Variants in ZGPAT observed in about 807,000 individuals in gnomAD.
ZGPAT encodes the protein zinc finger CCCH-type with G patch domain-containing protein.
A neutral mutation model predicts 47.9 loss-of-function variants in ZGPAT; 39 were observed. The observed-to-expected ratio is 0.81, with a 90% CI of 0.63 to 1.06. The LOEUF (loss-of-function observed/expected upper bound fraction) is 1.06, where lower values mean the gene tolerates loss of function less well. Ranked by LOEUF, ZGPAT falls within the 50% of genes least tolerant of loss-of-function variation. The pLI, the probability that ZGPAT is intolerant of heterozygous loss-of-function variation, is 0.00. For missense variants in ZGPAT, 717 were observed against 681.4 expected, an observed-to-expected ratio of 1.05 and a Z score of -0.58; for synonymous variants, 348 against 292.9, an observed-to-expected ratio of 1.19 and a Z score of -1.92.
At chr20:63,727,837 T>C (rs2091860486) in intron 2 of ZGPAT, among the ~76,000 whole-genome samples, 1 of 152,092 alleles carries the variant, frequency 6.6e-6, no homozygotes, top group Non-Finnish European at 1.5e-5. Flanking sequence ...TTCCTAAATA[T>C]GGATCATGGT....
In ZGPAT at chr20:63,709,071, G is replaced by A; in HGVS notation, c.491G>A (p.Gly164Asp). The change falls in exon 2 of 7, where the codon GGT becomes GAT. Residue 164 changes from glycine to aspartate, a missense_variant. Gly to Asp is a moderately conservative substitution (Grantham distance 94, BLOSUM62 -1). Coordinates refer to ENST00000355969, the MANE Select transcript of ZGPAT (RefSeq NM_181485.3). ...GTEEAEDGSA[G>D]VRVLYLYPTH... ...GAAGAGGCGGAGGATGGCTCGGCGG[G>A]TGTCCGTGTGCTTTACCTGTACCCC... 2 of 1,613,466 alleles carry A rather than the reference G, an allele frequency of 1.2e-6. No individual in the cohort carries two copies. The highest frequency in any genetic ancestry group is 1.7e-6 in the Non-Finnish European group (2 of 1,180,022).
intron 1 of ZGPAT, 68 bp downstream of exon 1, chr20:63,708,186 C>T (rs1568778709): frequency 1.3e-5 from 2 of 153,496 alleles, no homozygotes. Context: ...GGCCGGGGAC[C>T]AGGTGGCCGC....
At position 63,735,154 on chromosome 20, in the gene ZGPAT, C is replaced by G. The variant is rs768706958; in HGVS notation, c.992-5C>G. The G allele has an allele frequency of 6.6e-7, 1 of 1,507,884 alleles. No individual in the cohort carries two copies. Among genetic ancestry groups the G allele is most frequent in the Non-Finnish European group, 8.9e-7 (1 of 1,129,088 alleles). The allele number at this position is 1,507,884 out of a possible 1,614,324, so 93.4% of individuals were successfully genotyped here. A position where few individuals can be genotyped will look rare whatever the true frequency, so the allele number is the denominator to read the frequency against. Reference sequence around the variant, plus strand: ...CACAGCACTGCCATCCCCGTGCCTCCGCAGGTTTGGGCCGACACGCGGAAG... The same window carrying G: ...CACAGCACTGCCATCCCCGTGCCTCGGCAGGTTTGGGCCGACACGCGGAAG... On this transcript the variant is annotated splice_polypyrimidine_tract_variant and splice_region_variant and intron_variant, in intron 5 of 6. Transcript: ENST00000355969.
At chr20:63,726,898 A>G (rs1021198529) in intron 2 of ZGPAT, among the ~76,000 whole-genome samples, 1 of 151,862 alleles carries the variant, frequency 6.6e-6, no homozygotes, top group Non-Finnish European at 1.5e-5. Context: ...TTTCACATAT[A>G]CTCCAGACCC....
chr20:63,718,019 G>C (rs919649798), intron 2 of ZGPAT, among the ~76,000 whole-genome samples: 1 of 151,930 alleles, frequency 6.6e-6, no homozygotes, highest in Non-Finnish European at 1.5e-5. Context: ...CTCCAGCCTG[G>C]GTAACAAAAG....
rs376463965 is a variant in ZGPAT, at chr20:63,724,381, G to A, written c.585-8838G>A. ...CTCTGCCTAAAAAAAAAAAAAAAAA[G>A]AAAAGAAAAGAAATTAAGATCTGGA... On this transcript the variant is annotated intron_variant, in intron 2 of 6. Transcript: ENST00000355969. Among the ~76,000 whole-genome samples the A allele has an allele frequency of 0.017, 1,449 of 86,920 alleles. 34 individuals are homozygous for A. In the South Asian group the frequency reaches 0.19, roughly 11 times the overall value. The allele number at this position is 86,920 out of a possible 152,430, so 57.0% of individuals were successfully genotyped here.
chr20:63,716,467 G>A (rs1207653430), intron 2 of ZGPAT, among the ~76,000 whole-genome samples: 1 of 151,322 alleles, frequency 6.6e-6, no homozygotes, highest in Non-Finnish European at 1.5e-5. Flanking sequence ...AGTAGTAATA[G>A]CTCCACTTTC....
intron 2 of ZGPAT, among the ~76,000 whole-genome samples, chr20:63,731,000 TG>T (rs2091895675): frequency 6.6e-6 from 1 of 150,896 alleles, no homozygotes; most frequent in South Asian, 2.1e-4. Context: ...GTCTCGGTTT[TG>T]GTTTTAATTT....
rs1378292797 is a variant in ZGPAT, at chr20:63,734,698, C to T, written c.872-7C>T. 6.2e-7 allele frequency: 1 copy of T among 1,613,600 alleles called. No individual in the cohort carries two copies. The highest frequency in any genetic ancestry group is 8.5e-7 in the Non-Finnish European group (1 of 1,179,804). On this transcript the variant is annotated splice_polypyrimidine_tract_variant and splice_region_variant and intron_variant, in intron 4 of 6. Coordinates refer to ENST00000355969, the MANE Select transcript of ZGPAT (RefSeq NM_181485.3). ...ACAGTCCTCTGCCCTCTGTCCGTCT[C>T]TTGCAGTGGTGGGGTCAGATGCTGT...
chr20:63,714,600 C>T (rs2091707005), intron 2 of ZGPAT, among the ~76,000 whole-genome samples: 1 of 151,678 alleles, frequency 6.6e-6, no homozygotes. Context: ...TGAGGAAATT[C>T]TCTTATATTC....
Position 63,735,236 on chromosome 20 carries a change from T to C in ZGPAT, c.1069T>C (p.Cys357Arg), listed in dbSNP as rs772687386. The change falls in exon 6 of 7, where the codon TGT becomes CGT. Residue 357 changes from cysteine (C) to arginine (R), a missense_variant. Coordinates refer to ENST00000355969, the MANE Select transcript of ZGPAT (RefSeq NM_181485.3). ...GCCTCGAGGGAAGTCGCTGGACCAG[T>C]GTGTGGAGACCCTGCAGAAGCAGAC... is the stretch of plus-strand genomic sequence containing the variant. ...VLPRGKSLDQCVETLQKQTRV... is the reference protein window; with the variant it reads ...VLPRGKSLDQRVETLQKQTRV... 1.3e-6 allele frequency: 2 copies of C among 1,596,312 alleles called. No homozygotes were observed. The highest frequency in any genetic ancestry group is 2.2e-5 in the East Asian group (1 of 44,490).
chr20:63,726,614 C>A (rs547362092), intron 2 of ZGPAT, among the ~76,000 whole-genome samples: 1 of 151,886 alleles, frequency 6.6e-6, no homozygotes, highest in African/African-American at 2.4e-5. Context: ...CCTCCGCCTC[C>A]CAGGCTCAAG....
chr20:63,733,165 G>A, intron 2 of ZGPAT, 54 bp from the exon 3 acceptor site: 1 of 1,591,964 alleles, frequency 6.3e-7, no homozygotes. Flanking sequence ...TCCTGGGTTG[G>A]TTTGCCCCTG....
chr20:63,720,186 C>G (rs1230289262), intron 2 of ZGPAT, among the ~76,000 whole-genome samples: 2 of 151,076 alleles, frequency 1.3e-5, no homozygotes, highest in African/African-American at 2.4e-5. Flanking sequence ...GATGGAGTCT[C>G]ACTCTATAGC....
intron 2 of ZGPAT, among the ~76,000 whole-genome samples, chr20:63,717,295 C>G (rs894325952): frequency 6.9e-6 from 1 of 145,076 alleles, no homozygotes; most frequent in Non-Finnish European, 1.5e-5. Flanking sequence ...TCAAGGTATA[C>G]AGTTAAGTTA....
rs747760596 is a variant in ZGPAT at position 63,733,697 on chromosome 20, G to A, written c.829G>A (p.Asp277Asn). The A allele has an allele frequency of 2.0e-5, 33 of 1,613,768 alleles. No individual in the cohort carries two copies. The highest frequency in any genetic ancestry group is 3.3e-5 in the Admixed American group (2 of 59,992). The change falls in exon 4 of 7, where the codon GAC becomes AAC. Residue 277 changes from aspartate to asparagine, a missense_variant. Transcript: ENST00000355969. ...ACTGCGCACAGAGGCCACAGAGTCCGACTCAGACAGCGACGGTACGGGTGA... is the reference window on the plus strand; with the variant it reads ...ACTGCGCACAGAGGCCACAGAGTCCAACTCAGACAGCGACGGTACGGGTGA... ...PPLRTEATESDSDSDGTGDSS... is the reference protein window; with the variant it reads ...PPLRTEATESNSDSDGTGDSS...
At chr20:63,720,043 CT>C in intron 2 of ZGPAT, among the ~76,000 whole-genome samples, 1 of 151,606 alleles carries the variant, frequency 6.6e-6, no homozygotes, top group Non-Finnish European at 1.5e-5. Context: ...TGCCCAGCCT[CT>C]TTTTTTAGTG....
At chr20:63,727,465 C>A (rs113031505) in intron 2 of ZGPAT, among the ~76,000 whole-genome samples, 1 of 151,638 alleles carries the variant, frequency 6.6e-6, no homozygotes, top group Non-Finnish European at 1.5e-5. Flanking sequence ...TGGTTTTGAA[C>A]GTTTGACCTC....
chr20:63,733,579 GC>G lies in ZGPAT; in HGVS notation c.719-3del. 1 of 1,614,122 alleles carries G rather than the reference GC, an allele frequency of 6.2e-7. No individual in the cohort carries two copies. Among genetic ancestry groups the G allele is most frequent in the African/African-American group, 1.3e-5 (1 of 75,054 alleles). On this transcript the variant is annotated splice_region_variant and splice_polypyrimidine_tract_variant and intron_variant, in intron 3 of 6. Transcript: ENST00000355969. ...GGATTCTGACCTGCAGCTTGTCTCT[GC>G]CCCCAGATGTGGACAACGGCTACTA... is the stretch of plus-strand genomic sequence containing the variant.
Sources: gnomAD v4.1 joint callset for allele counts (sites outside exome capture counted in the v4.1 genomes callset) on GRCh38, gnomAD v4.1.1 for gene constraint, MANE v1.5 for transcripts, NCBI Gene and HGNC (gene_info 2026-07-23, HGNC 2026-07-21) for gene names.